The following SLC43A2 variants were observed in gnomAD, a reference collection of about 807,000 sequenced individuals.
SLC43A2 encodes solute carrier family 43 member 2, also known as large neutral amino acids transporter small subunit 4.
In SLC43A2, 38 loss-of-function variants were observed where a neutral mutation model predicts 63.2. That is an observed-to-expected ratio of 0.60 (90% CI 0.46 to 0.79). SLC43A2 has a LOEUF of 0.79. Among genes scored for constraint, SLC43A2 ranks in the 30% least tolerant of loss-of-function variants. The pLI is 0.00. For missense variants in SLC43A2, 644 were observed against 756.2 expected (o/e 0.85, Z 1.74); for synonymous variants, 322 against 331.0 (o/e 0.97, Z 0.30).
At chr17:1,590,280 G>A (rs1904619869) in intron 9 of SLC43A2, among the ~76,000 whole-genome samples, 1 of 151,434 alleles carries the variant, frequency 6.6e-6, no homozygotes, top group African/African-American at 2.4e-5. Context: ...GAGCTGACAA[G>A]CCTCAACTGT....
At chr17:1,586,928 T>TGGCCCCCCCCCCC in intron 9 of SLC43A2, 48 of 1,232,690 alleles carry the variant, frequency 3.9e-5, no homozygotes, top group Non-Finnish European at 5.3e-5. Context: ...TCCCTGACAA[T>TGGCCCCCCCCCCC]CCCCCCCACC....
chr17:1,608,090 C>G (rs987073275), intron 5 of SLC43A2, among the ~76,000 whole-genome samples: 17 of 152,152 alleles, frequency 1.1e-4, no homozygotes, highest in African/African-American at 4.1e-4. Flanking sequence ...TGAGATACCA[C>G]AAAAGCAGCC....
chr17:1,611,454 G>A (rs1302761830), intron 5 of SLC43A2, among the ~76,000 whole-genome samples: 2 of 151,898 alleles, frequency 1.3e-5, no homozygotes, highest in African/African-American at 2.4e-5. Flanking sequence ...GGCCAACATG[G>A]TGAAACCCCG....
chr17:1,627,949 G>A, intron 1 of SLC43A2, 29 bp from the exon 2 acceptor site: 2 of 1,372,390 alleles, frequency 1.5e-6, no homozygotes, highest in Non-Finnish European at 1.9e-6. Flanking sequence ...GTCAGCGGCC[G>A]GCCCTTGCCC....
chr17:1,591,735 G>GGGGGCGGGGGGGGGGGA, intron 6 of SLC43A2, 36 bp from the exon 7 acceptor site: 1 of 652,928 alleles, frequency 1.5e-6, no homozygotes, highest in Non-Finnish European at 2.5e-6. Flanking sequence ...GGGGGGGGGA[G>GGGGGCGGGGGGGGGGGA]GGGGCAGAGT....
intron 2 of SLC43A2, among the ~76,000 whole-genome samples, chr17:1,619,154 A>G (rs1286304355): frequency 1.3e-5 from 2 of 151,900 alleles, no homozygotes. Context: ...AAAATACAAA[A>G]ATTAGCCGGG....
At position 1,597,522 on chromosome 17, in the gene SLC43A2, G is replaced by A. The variant is rs144379931; in HGVS notation, c.502-4243C>T. Among the ~76,000 whole-genome samples the A allele has an allele frequency of 6.3e-4, 92 of 146,466 alleles. No individual in the cohort carries two copies. The East Asian group carries it at 0.017, about 27-fold the overall frequency. ...TCAAAAAAAAAAAAGAAATGAGGCC[G>A]GGCGAGGTGGCTCACGCCTGTAATC... On this transcript the variant is annotated intron_variant, in intron 5 of 13. Transcript: ENST00000301335.
At chr17:1,620,916 G>A (rs577230762) in intron 2 of SLC43A2, among the ~76,000 whole-genome samples, 31 of 152,182 alleles carry the variant, frequency 2.0e-4, no homozygotes, top group African/African-American at 7.0e-4. Flanking sequence ...GCTTGACCCC[G>A]GGCCAGCCTG....
chr17:1,615,790 C>A (rs985992776), intron 3 of SLC43A2, among the ~76,000 whole-genome samples: 4 of 148,112 alleles, frequency 2.7e-5, no homozygotes, highest in African/African-American at 7.4e-5. Context: ...TCGCAGTGAG[C>A]CGAGATCGCG....
Position 1,576,600 on chromosome 17 carries a change from C to G in SLC43A2, c.1545G>C (p.Leu515=). The G allele has an allele frequency of 6.2e-7, 1 of 1,605,364 alleles. No individual in the cohort carries two copies. The highest frequency in any genetic ancestry group is 8.5e-7 in the Non-Finnish European group (1 of 1,179,108). ...AMMGPLQGDP[L]WVNVGLLLLS... Reference sequence around the variant, plus strand: ...ACCATCCCCCGACCCCTCTTACCCACAGAGGGTCTCCCTGGAGAGGACCCA... The same window carrying G: ...ACCATCCCCCGACCCCTCTTACCCAGAGAGGGTCTCCCTGGAGAGGACCCA... Residue 515 remains leucine, a synonymous_variant, in exon 13 of 14, where the codon CTG becomes CTC. Coordinates refer to ENST00000301335, the MANE Select transcript of SLC43A2 (RefSeq NM_152346.3).
At chr17:1,621,593 T>G (rs4790717) in intron 2 of SLC43A2, among the ~76,000 whole-genome samples, 1 of 152,238 alleles carries the variant, frequency 6.6e-6, no homozygotes, top group African/African-American at 2.4e-5. Context: ...GCCTGGCCCC[T>G]GAGCAGTGGT....
intron 6 of SLC43A2, among the ~76,000 whole-genome samples, chr17:1,592,209 A>C (rs1329451276): frequency 6.6e-6 from 1 of 152,218 alleles, no homozygotes; most frequent in Non-Finnish European, 1.5e-5. Flanking sequence ...TGGGCGGATC[A>C]TGAGGTCAGG....
intron 9 of SLC43A2, among the ~76,000 whole-genome samples, chr17:1,589,817 C>T (rs1414245734): frequency 6.6e-6 from 1 of 152,142 alleles, no homozygotes; most frequent in African/African-American, 2.4e-5. Context: ...ATGGGGGTTT[C>T]ACAATCTTGG....
At chr17:1,600,152 A>ATATATATATATATTT (rs1216616243) in intron 5 of SLC43A2, among the ~76,000 whole-genome samples, 1 of 60,280 alleles carries the variant, frequency 1.7e-5, no homozygotes, top group African/African-American at 5.4e-5. Context: ...ATATATATAT[A>ATATATATATATATTT]TTTTTTTTTT....
chr17:1,588,493 C>T (rs1368605922), intron 9 of SLC43A2, among the ~76,000 whole-genome samples: 3 of 151,008 alleles, frequency 2.0e-5, no homozygotes, highest in Non-Finnish European at 4.4e-5. Flanking sequence ...GAGTTTGAGA[C>T]CAGCCTGGGA....
In SLC43A2 at chr17:1,616,474, C is replaced by G. The variant is rs1907674856; in HGVS notation, c.368+88G>C. On this transcript the variant is annotated intron_variant, in intron 3 of 13. Transcript: ENST00000301335. Reference sequence around the variant, plus strand: ...GGGAGCTCCACAGTACACCTGATATCAGGTACGACCAGGATACCCTTCTGT... The same window carrying G: ...GGGAGCTCCACAGTACACCTGATATGAGGTACGACCAGGATACCCTTCTGT... The G allele has an allele frequency of 6.9e-6, 9 of 1,299,630 alleles. No individual in the cohort carries two copies. In the East Asian group the frequency reaches 1.5e-4, roughly 22 times the overall value. The allele number at this position is 1,299,630 out of a possible 1,614,324, so 80.5% of individuals were successfully genotyped here.
rs1004584475 is a variant in SLC43A2 at position 1,605,305 on chromosome 17, C to T, written c.501+7890G>A. 1.1e-5 allele frequency: 10 copies of T among 909,244 alleles called. No homozygotes were observed. Among genetic ancestry groups the T allele is most frequent in the Non-Finnish European group, 1.3e-5 (10 of 748,270 alleles). 56.3% of individuals were successfully genotyped at this position (909,244 alleles called of 1,614,324 possible). ...GTGACCTTCCCAGAGGGGAAAACAGCAGCTGCAGGCGGCCCCTCCCCTGGC... is the reference window on the plus strand; with the variant it reads ...GTGACCTTCCCAGAGGGGAAAACAGTAGCTGCAGGCGGCCCCTCCCCTGGC... On this transcript the variant is annotated intron_variant, in intron 5 of 13. Transcript: ENST00000301335. The surrounding 1 kb of genome is among the most constrained non-coding windows in gnomAD (Gnocchi z 4.9).
chr17:1,599,789 A>T (rs1905729705), intron 5 of SLC43A2, among the ~76,000 whole-genome samples: 1 of 151,834 alleles, frequency 6.6e-6, no homozygotes, highest in Non-Finnish European at 1.5e-5. Context: ...TCACGCCTGT[A>T]ATCCCAGCAC....
chr17:1,586,892 C>T lies in SLC43A2; in HGVS notation c.1079-841G>A, dbSNP rs903399337. On this transcript the variant is annotated intron_variant, in intron 9 of 13. Coordinates refer to ENST00000301335, the MANE Select transcript of SLC43A2 (RefSeq NM_152346.3). ...GAGGAGCTTCTGGGTTGAACAGAGA[C>T]TGGCTGGGAGGGGACATCACAGCAT... 2.0e-6 allele frequency: 3 copies of T among 1,524,858 alleles called. No homozygotes were observed. In the African/African-American group the frequency reaches 4.1e-5, roughly 21 times the overall value. 94.5% of individuals were successfully genotyped at this position (1,524,858 alleles called of 1,614,324 possible). A position where few individuals can be genotyped will look rare whatever the true frequency, so the allele number is the denominator to read the frequency against.
Sources: gnomAD v4.1 joint callset for allele counts (sites outside exome capture counted in the v4.1 genomes callset) on GRCh38, gnomAD v4.1.1 for gene constraint, Gnocchi (gnomAD v3.1) non-coding constraint, MANE v1.5 for transcripts, NCBI Gene and HGNC (gene_info 2026-07-23, HGNC 2026-07-21) for gene names.